The following TELO2 variants were observed in gnomAD, a reference collection of about 807,000 sequenced individuals.
The protein encoded by TELO2 is telomere length regulation protein TEL2 homolog.
Under a neutral mutation model 91.0 loss-of-function variants are expected in TELO2, and 71 were observed. That is an observed-to-expected ratio of 0.78 (90% CI 0.64 to 0.95). TELO2 has a LOEUF of 0.95. Among genes scored for constraint, TELO2 ranks in the 40% least tolerant of loss-of-function variants. The pLI, the probability that TELO2 is intolerant of heterozygous loss-of-function variation, is 0.00. For missense variants in TELO2, 1,183 were observed against 1,141.3 expected, an observed-to-expected ratio of 1.04 and a Z score of -0.53; for synonymous variants, 584 against 518.9, an observed-to-expected ratio of 1.13 and a Z score of -1.71.
intron 6 of TELO2, among the ~76,000 whole-genome samples, chr16:1,499,660 C>T (rs533072149): frequency 1.8e-4 from 28 of 152,192 alleles, no homozygotes; most frequent in African/African-American, 2.4e-4. Flanking sequence ...CGTGCATTTC[C>T]GGGACTTATG....
In TELO2 at chr16:1,501,506, G is replaced by T. The variant is rs769277009; in HGVS notation, c.1361+7G>T. 2 of 1,605,048 alleles carry T rather than the reference G, an allele frequency of 1.2e-6. No individual in the cohort carries two copies. Among genetic ancestry groups the T allele is most frequent in the Admixed American group, 1.7e-5 (1 of 59,150 alleles). On this transcript the variant is annotated splice_region_variant and intron_variant, in intron 10 of 20. Coordinates refer to ENST00000262319, the MANE Select transcript of TELO2 (RefSeq NM_016111.4). ...ACGGCGCCTCGGAGGCGGGGTGAGGGTCTCTGCCCCCCGGGACCCCACCGC... is the reference window on the plus strand; with the variant it reads ...ACGGCGCCTCGGAGGCGGGGTGAGGTTCTCTGCCCCCCGGGACCCCACCGC...
intron 2 of TELO2, among the ~76,000 whole-genome samples, chr16:1,495,043 G>A (rs2039426322): frequency 6.6e-6 from 1 of 152,226 alleles, no homozygotes; most frequent in Non-Finnish European, 1.5e-5. Flanking sequence ...TTGAGAAGCT[G>A]GGTTTTCAGA....
At chr16:1,496,034 C>T (rs1007010103) in intron 3 of TELO2, among the ~76,000 whole-genome samples, 1 of 152,230 alleles carries the variant, frequency 6.6e-6, no homozygotes, top group Non-Finnish European at 1.5e-5. Flanking sequence ...CGCCAGATGG[C>T]GGCTGCCGCG....
Position 1,497,209 on chromosome 16 carries a change from T to A in TELO2, c.682+105T>A. ...CTCCTGACCCTGGCCCTCTGCAGGG[T>A]CCCCTTGCCCGGTCCTGTCCTGGGC... is the stretch of plus-strand genomic sequence containing the variant. On this transcript the variant is annotated intron_variant, in intron 4 of 20. Transcript: ENST00000262319. The surrounding 1 kb of genome is among the most constrained non-coding windows in gnomAD (Gnocchi z 4.0). The A allele has an allele frequency of 6.5e-7, 1 of 1,532,450 alleles. No homozygotes were observed. Among genetic ancestry groups the A allele is most frequent in the Non-Finnish European group, 8.8e-7 (1 of 1,130,222 alleles). The allele number at this position is 1,532,450 out of a possible 1,614,324, so 94.9% of individuals were successfully genotyped here.
rs897292174 is a variant in TELO2 at position 1,494,718 on chromosome 16, TAGAG to T, written c.335+109_335+112del. ...AGCCTCTCTAGTCCCTGTGAGGGGC[TAGAG>T]AGAGAGCCTGCTCCTGGCTGAACCC... On this transcript the variant is annotated intron_variant, in intron 2 of 20. Transcript: ENST00000262319. The surrounding 1 kb of genome is among the most constrained non-coding windows in gnomAD (Gnocchi z 5.6). The T allele has an allele frequency of 4.8e-6, 6 of 1,248,890 alleles. No homozygotes were observed. The African/African-American group carries it at 9.1e-5, about 19-fold the overall frequency. 77.4% of individuals were successfully genotyped at this position (1,248,890 alleles called of 1,614,324 possible). A position where few individuals can be genotyped will look rare whatever the true frequency, so the allele number is the denominator to read the frequency against.
chr16:1,499,948 C>A, intron 6 of TELO2, 148 bp from the exon 7 acceptor site: 1 of 903,554 alleles, frequency 1.1e-6, no homozygotes, highest in Non-Finnish European at 1.6e-6. Context: ...AGGGGTCCCG[C>A]ATTCCAGGAG....
rs117949504 is a variant in TELO2 at position 1,498,000 on chromosome 16, G to A, written c.830+492G>A. Reference sequence around the variant, plus strand: ...AAGGACATACCTGTCTCTGCCCAAAGTATTTCCTCCTCTTTTTTTTTTTTT... The same window carrying A: ...AAGGACATACCTGTCTCTGCCCAAAATATTTCCTCCTCTTTTTTTTTTTTT... On this transcript the variant is annotated intron_variant, in intron 5 of 20. Transcript: ENST00000262319. This position sits in a 1 kb window ranked among gnomAD's most constrained non-coding sequence, Gnocchi z 4.0. 1.5e-4 allele frequency among the ~76,000 whole-genome samples: 23 copies of A among 151,386 alleles called. No individual in the cohort carries two copies. The East Asian group carries it at 4.3e-3, about 28-fold the overall frequency.
At chr16:1,504,612 C>T (rs2039821702) in intron 15 of TELO2, among the ~76,000 whole-genome samples, 1 of 117,260 alleles carries the variant, frequency 8.5e-6, no homozygotes, top group African/African-American at 3.4e-5. Flanking sequence ...GGCTGGAGTG[C>T]AGTGGCGCGA....
rs756402604 is a variant in TELO2, at chr16:1,502,916, C to T, written c.1771-15C>T. ...CAGGTCCCGGACCACAGCAGCCTCTCCCCTGTGTCCTCAGGTGGCCGACTA... is the reference window on the plus strand; with the variant it reads ...CAGGTCCCGGACCACAGCAGCCTCTTCCCTGTGTCCTCAGGTGGCCGACTA... On this transcript the variant is annotated splice_polypyrimidine_tract_variant and intron_variant, in intron 14 of 20. Transcript: ENST00000262319. 12 of 1,610,084 alleles carry T rather than the reference C, an allele frequency of 7.5e-6. No homozygotes were observed. Among genetic ancestry groups the T allele is most frequent in the Admixed American group, 3.3e-5 (2 of 60,012 alleles).
At chr16:1,502,887 C>G (rs776432693) in intron 14 of TELO2, 44 bp from the exon 15 acceptor site, 5 of 1,606,318 alleles carry the variant, frequency 3.1e-6, no homozygotes, top group Non-Finnish European at 4.2e-6. Flanking sequence ...CCCCGGGTGG[C>G]CCTCAGGTCC....
intron 2 of TELO2, 32 bp from the exon 3 acceptor site, chr16:1,495,314 G>A (rs2039439717): frequency 6.6e-7 from 1 of 1,508,898 alleles, no homozygotes; most frequent in Non-Finnish European, 8.9e-7. Flanking sequence ...GATGGGGGTT[G>A]GCGGCTCTGC....
chr16:1,501,856 G>C (rs1463932555), intron 11 of TELO2, 83 bp downstream of exon 11: 10 of 1,489,642 alleles, frequency 6.7e-6, no homozygotes, highest in Non-Finnish European at 9.2e-6. Context: ...GCCCCGTGGG[G>C]GGCTCCCTGC....
At chr16:1,507,137 G>T in intron 18 of TELO2, 86 bp downstream of exon 18, 3 of 1,508,518 alleles carry the variant, frequency 2.0e-6, no homozygotes, top group Non-Finnish European at 1.8e-6. Context: ...CCAGGGATGG[G>T]TGTCTGAGGG....
intron 17 of TELO2, 60 bp from the exon 18 acceptor site, chr16:1,506,892 G>T: frequency 1.3e-6 from 2 of 1,514,090 alleles, no homozygotes; most frequent in Non-Finnish European, 8.9e-7. Flanking sequence ...GGTGGCCCAG[G>T]AGGTTGGGGA....
intron 20 of TELO2, 136 bp downstream of exon 20, chr16:1,507,852 GTGTGTGTGT>G (rs1567307909): frequency 0.011 from 230 of 21,576 alleles, 8 homozygotes; most frequent in Non-Finnish European, 0.015. Context: ...GGCCCGGGGT[GTGTGTGTGT>G]GTGTGTGTGT....
At chr16:1,498,527 TC>T (rs2039570891) in intron 5 of TELO2, among the ~76,000 whole-genome samples, 1 of 152,040 alleles carries the variant, frequency 6.6e-6, no homozygotes, top group South Asian at 2.1e-4. Context: ...AGCCTCGACC[TC>T]CTGGGCTCCA....
At chr16:1,506,430 G>A in intron 17 of TELO2, 101 bp downstream of exon 17, 2 of 1,598,420 alleles carry the variant, frequency 1.3e-6, no homozygotes, top group South Asian at 1.1e-5. Flanking sequence ...GGGTTTGGGT[G>A]TGAACAGGGT....
chr16:1,502,848 G>A (rs923059516), intron 14 of TELO2, 83 bp from the exon 15 acceptor site: 2 of 1,602,758 alleles, frequency 1.2e-6, no homozygotes, highest in African/African-American at 1.3e-5. Flanking sequence ...GTCCTGTGCT[G>A]GAGCTGGCTG....
In TELO2 at chr16:1,495,612, ACT is replaced by A; in HGVS notation, c.608_609del (p.Leu203ProfsTer76). 3 of 1,598,758 alleles carry A rather than the reference ACT, an allele frequency of 1.9e-6. No individual in the cohort carries two copies. Among genetic ancestry groups the A allele is most frequent in the Non-Finnish European group, 2.6e-6 (3 of 1,170,524 alleles). On this transcript the variant is annotated frameshift_variant, in exon 3 of 21. Transcript: ENST00000262319. LOFTEE classifies it high-confidence loss of function. ...GTCCGGGTGCTGCAGGCGGTTGTGGACTCTCTCCAAGGTGAGGCCCTGCCTCG... is the reference window on the plus strand; with the variant it reads ...GTCCGGGTGCTGCAGGCGGTTGTGGACTCTCCAAGGTGAGGCCCTGCCTCG...
Sources: gnomAD v4.1 joint callset for allele counts (sites outside exome capture counted in the v4.1 genomes callset) on GRCh38, gnomAD v4.1.1 for gene constraint, Gnocchi (gnomAD v3.1) non-coding constraint, MANE v1.5 for transcripts, NCBI Gene and HGNC (gene_info 2026-07-23, HGNC 2026-07-21) for gene names.